CPNE7: variants seen among roughly 807,000 people sequenced by gnomAD.
CPNE7 encodes copine-7.
Under a neutral mutation model 66.5 loss-of-function variants are expected in CPNE7, and 78 were observed. The ratio of observed to expected loss-of-function variants is 1.17; its 90% CI spans 0.98 to 1.42. CPNE7 has a LOEUF of 1.42. CPNE7 is among the 40% of genes most tolerant of loss of function. The pLI is 0.00. For missense variants in CPNE7, 1,012 were observed against 776.6 expected (o/e 1.30, Z -3.60); for synonymous variants, 468 against 336.7 (o/e 1.39, Z -4.27).
chr16:89,596,543 G>A lies in CPNE7; in HGVS notation c.1599G>A (p.Glu533=). The A allele has an allele frequency of 6.2e-7, 1 of 1,609,930 alleles. No homozygotes were observed. Among genetic ancestry groups the A allele is most frequent in the Non-Finnish European group, 8.5e-7 (1 of 1,179,834 alleles). ...VLAEVPKQVV[E]YYSHRGLPPR... is the part of the protein sequence containing the mutation. ...CCGAGGTCCCGAAGCAGGTGGTGGA[G>A]TACTACAGCCACAGAGGCCTGCCCC... The change falls in exon 15 of 15, where the codon GAG becomes GAA. Residue 533 remains glutamate (E), a synonymous_variant. Coordinates refer to ENST00000319518, the MANE Select transcript of CPNE7 (RefSeq NM_153636.3).
rs749784461 is a variant in CPNE7, at chr16:89,596,737, C to T, written c.*116C>T. The T allele has an allele frequency of 4.1e-6, 5 of 1,223,182 alleles. No individual in the cohort carries two copies. The highest frequency in any genetic ancestry group is 3.4e-5 in the Admixed American group (1 of 29,140). 75.8% of individuals were successfully genotyped at this position (1,223,182 alleles called of 1,614,324 possible). A position where few individuals can be genotyped will look rare whatever the true frequency, so the allele number is the denominator to read the frequency against. ...ACCTCCCAGAAGCCTCCAGTCCCCA[C>T]CAGGCCCCACTCCCAGTCCTCCTGG... On this transcript the variant is annotated 3_prime_UTR_variant, in exon 15 of 15. Coordinates refer to ENST00000319518, the MANE Select transcript of CPNE7 (RefSeq NM_153636.3).
intron 2 of CPNE7, among the ~76,000 whole-genome samples, chr16:89,581,826 G>T (rs1339719463): frequency 2.6e-5 from 4 of 152,066 alleles, no homozygotes; most frequent in East Asian, 3.9e-4. Flanking sequence ...TGCATTTTTT[G>T]AAGAGACAGG....
chr16:89,590,016 C>A (rs74037233), intron 11 of CPNE7, 65 bp downstream of exon 11: 114,187 of 1,579,672 alleles, frequency 0.072, 10,553 homozygotes, highest in East Asian at 0.51. Flanking sequence ...AGGCAGAGGA[C>A]GGCCTGGCCC....
intron 1 of CPNE7, among the ~76,000 whole-genome samples, chr16:89,576,606 C>A (rs12933022): frequency 0.14 from 20,954 of 152,214 alleles, 1,625 homozygotes; most frequent in Middle Eastern, 0.2. Flanking sequence ...CGGCGCCAGA[C>A]GGGCGCTTCC....
rs2058996329 is a variant in CPNE7 at position 89,584,008 on chromosome 16, C to G, written c.433-20C>G. ...AGGCCCCACCTGGCCAAGCCTGGAG[C>G]CCGGGCGTCCCCCTGCCAGGTGATC... On this transcript the variant is annotated intron_variant, in intron 3 of 14. Coordinates refer to ENST00000319518, the MANE Select transcript of CPNE7 (RefSeq NM_153636.3). The surrounding 1 kb of genome is among the most constrained non-coding windows in gnomAD (Gnocchi z 6.0). 2.5e-6 allele frequency: 4 copies of G among 1,611,144 alleles called. No individual in the cohort carries two copies. The highest frequency in any genetic ancestry group is 1.7e-5 in the Admixed American group (1 of 59,764).
chr16:89,581,443 C>T (rs551935337), intron 2 of CPNE7, among the ~76,000 whole-genome samples: 33 of 152,368 alleles, frequency 2.2e-4, no homozygotes, highest in South Asian at 6.2e-4. Flanking sequence ...TGGAATTCCA[C>T]GTCCATGAAT....
intron 5 of CPNE7, 110 bp from the exon 6 acceptor site, chr16:89,585,354 G>GCAGGGC (rs1419559949): frequency 1.3e-5 from 10 of 757,048 alleles, no homozygotes; most frequent in Admixed American, 6.6e-5. Flanking sequence ...TGATGCAGGG[G>GCAGGGC]CAGGGCCAGC....
Position 89,587,903 on chromosome 16 carries a change from T to A in CPNE7, c.928-772T>A, listed in dbSNP as rs111736685. Among the ~76,000 whole-genome samples the A allele has an allele frequency of 4.2e-3, 77 of 18,346 alleles. 5 individuals are homozygous for A. Among genetic ancestry groups the A allele is most frequent in the Non-Finnish European group, 6.2e-3 (37 of 5,994 alleles). 12.0% of individuals were successfully genotyped at this position (18,346 alleles called of 152,430 possible). On this transcript the variant is annotated intron_variant, in intron 9 of 14. Transcript: ENST00000319518. ...GTGTCACCCGCGTGTCACCCACAGA[T>A]ACACGGCCCCCGTGTCACCCGCGTG...
intron 2 of CPNE7, among the ~76,000 whole-genome samples, chr16:89,580,862 C>CA (rs2058944782): frequency 2.0e-5 from 3 of 147,488 alleles, no homozygotes; most frequent in South Asian, 2.3e-4. Flanking sequence ...TCCCATCACC[C>CA]GTCACACGGA....
rs575891638 is a variant in CPNE7, at chr16:89,584,885, G to C, written c.591+28G>C. 6.3e-7 allele frequency: 1 copy of C among 1,592,770 alleles called. No individual in the cohort carries two copies. On this transcript the variant is annotated intron_variant, in intron 5 of 14. Coordinates refer to ENST00000319518, the MANE Select transcript of CPNE7 (RefSeq NM_153636.3). This position sits in a 1 kb window ranked among gnomAD's most constrained non-coding sequence, Gnocchi z 6.0. The stretch of plus-strand genomic sequence containing the variant: ...GAGCGGCCGGGGATGGGAACACAGG[G>C]AGGGGAAGGGGCTGTCCCCAGCCCT...
Position 89,597,000 on chromosome 16 carries a change from A to G in CPNE7, c.*379A>G, listed in dbSNP as rs1212217184. The G allele has an allele frequency of 1.2e-5, 2 of 169,590 alleles. No homozygotes were observed. Among genetic ancestry groups the G allele is most frequent in the Non-Finnish European group, 1.2e-5 (1 of 80,326 alleles). 10.5% of individuals were successfully genotyped at this position (169,590 alleles called of 1,614,324 possible). ...GGAGGGCCAGCAAGGCAGTCCCCCC[A>G]CGCCCGAGAAAGCCTGGGGGACCCA... On this transcript the variant is annotated 3_prime_UTR_variant, in exon 15 of 15. Coordinates refer to ENST00000319518, the MANE Select transcript of CPNE7 (RefSeq NM_153636.3).
In CPNE7 at chr16:89,595,612, C is replaced by T. The variant is rs1216019431; in HGVS notation, c.1539+9C>T. 1.3e-6 allele frequency: 2 copies of T among 1,593,666 alleles called. No homozygotes were observed. Among genetic ancestry groups the T allele is most frequent in the Non-Finnish European group, 1.7e-6 (2 of 1,165,774 alleles). On this transcript the variant is annotated intron_variant, in intron 14 of 14. Transcript: ENST00000319518. ...TCCGGGAGCTCAAGAACGTGAGTGT[C>T]CTGGAGGGGCTCCGTCAAGGCCGGC...
At position 89,587,118 on chromosome 16, in the gene CPNE7, C is replaced by G; in HGVS notation, c.927+16C>G. 6.9e-7 allele frequency: 1 copy of G among 1,455,044 alleles called. No individual in the cohort carries two copies. The allele number at this position is 1,455,044 out of a possible 1,614,324, so 90.1% of individuals were successfully genotyped here. A position where few individuals can be genotyped will look rare whatever the true frequency, so the allele number is the denominator to read the frequency against. The stretch of plus-strand genomic sequence containing the variant: ...CCACTTCACCGTGAGTCCATGGCCC[C>G]GCCCCATGCCGCCCCCTCAGTCCGT... On this transcript the variant is annotated intron_variant, in intron 9 of 14. Coordinates refer to ENST00000319518, the MANE Select transcript of CPNE7 (RefSeq NM_153636.3).
chr16:89,594,352 T>A (rs2059219227), intron 13 of CPNE7, among the ~76,000 whole-genome samples: 1 of 151,190 alleles, frequency 6.6e-6, no homozygotes, highest in African/African-American at 2.4e-5. Context: ...TTCCCACAGG[T>A]GTGGGGCTCA....
At chr16:89,583,374 G>C (rs1324232212) in intron 2 of CPNE7, 1 of 1,444,780 alleles carries the variant, frequency 6.9e-7, no homozygotes, top group East Asian at 2.5e-5. Flanking sequence ...ACCTGTGCAG[G>C]TGCAGGCCAG....
chr16:89,595,054 C>T (rs987838672), intron 13 of CPNE7, among the ~76,000 whole-genome samples: 3 of 152,054 alleles, frequency 2.0e-5, no homozygotes, highest in Admixed American at 6.6e-5. Context: ...CTCCTCTGGC[C>T]TCAGACCTCC....
intron 13 of CPNE7, 34 bp downstream of exon 13, chr16:89,591,294 G>T (rs1345926794): frequency 2.0e-6 from 3 of 1,531,198 alleles, no homozygotes; most frequent in Non-Finnish European, 2.6e-6. Context: ...CATGCTTGGT[G>T]TGGGGTCGGC....
chr16:89,586,574 C>A, intron 7 of CPNE7, 96 bp from the exon 8 acceptor site: 1 of 990,588 alleles, frequency 1.0e-6, no homozygotes. Context: ...CCACGGGGCC[C>A]TCTGCCGTCG....
chr16:89,579,236 G>C (rs755366448), intron 2 of CPNE7, among the ~76,000 whole-genome samples: 1 of 151,704 alleles, frequency 6.6e-6, no homozygotes, highest in African/African-American at 2.4e-5. Flanking sequence ...AGGTTTCAGC[G>C]AGCCGAGATC....
Sources: gnomAD v4.1 joint callset for allele counts (sites outside exome capture counted in the v4.1 genomes callset) on GRCh38, gnomAD v4.1.1 for gene constraint, Gnocchi (gnomAD v3.1) non-coding constraint, MANE v1.5 for transcripts, NCBI Gene and HGNC (gene_info 2026-07-23, HGNC 2026-07-21) for gene names.